TMEM108: variants seen among roughly 807,000 people sequenced by gnomAD.
The protein encoded by TMEM108 is cancer/testis antigen 124.
A neutral mutation model predicts 35.1 loss-of-function variants in TMEM108; 12 were observed. The observed-to-expected ratio is 0.34, with a 90% CI of 0.22 to 0.55. The LOEUF (loss-of-function observed/expected upper bound fraction) is 0.55. Among genes scored for constraint, TMEM108 ranks in the 20% least tolerant of loss-of-function variants. The pLI is 0.89. For missense variants in TMEM108, 680 were observed against 753.3 expected, an observed-to-expected ratio of 0.90 and a Z score of 1.14; for synonymous variants, 287 against 308.6, an observed-to-expected ratio of 0.93 and a Z score of 0.73.
At chr3:133,125,434 A>C (rs1412489243) in intron 2 of TMEM108, among the ~76,000 whole-genome samples, 1 of 151,926 alleles carries the variant, frequency 6.6e-6, no homozygotes, top group Non-Finnish European at 1.5e-5. Flanking sequence ...CAAATGTTGA[A>C]CCTCGAATGT....
At chr3:133,348,423 G>T (rs1220236363) in intron 3 of TMEM108, among the ~76,000 whole-genome samples, 2 of 152,088 alleles carry the variant, frequency 1.3e-5, no homozygotes, top group African/African-American at 4.8e-5. Flanking sequence ...TTTGTCTTTG[G>T]TTTCTCAGGA....
intron 2 of TMEM108, among the ~76,000 whole-genome samples, chr3:133,131,089 G>A (rs935301030): frequency 6.6e-6 from 1 of 152,154 alleles, no homozygotes; most frequent in Non-Finnish European, 1.5e-5. Flanking sequence ...TACCTTGTGT[G>A]CAGAGGTAAA....
At chr3:133,283,770 T>G (rs1263751279) in intron 3 of TMEM108, among the ~76,000 whole-genome samples, 1 of 152,218 alleles carries the variant, frequency 6.6e-6, no homozygotes, top group Non-Finnish European at 1.5e-5. Context: ...CTTTGAAATT[T>G]CAAAGAAAGA....
intron 3 of TMEM108, among the ~76,000 whole-genome samples, chr3:133,276,639 G>A (rs573983790): frequency 3.3e-5 from 5 of 152,336 alleles, no homozygotes; most frequent in South Asian, 2.1e-4. Flanking sequence ...ACCGAAGAGA[G>A]TAAACTAGGA....
chr3:133,126,670 T>G (rs1165907575), intron 2 of TMEM108, among the ~76,000 whole-genome samples: 1 of 152,178 alleles, frequency 6.6e-6, no homozygotes, highest in Non-Finnish European at 1.5e-5. Flanking sequence ...GCTTAATATA[T>G]TCAAGATATT....
At chr3:133,315,547 G>A (rs1275736993) in intron 3 of TMEM108, among the ~76,000 whole-genome samples, 1 of 152,210 alleles carries the variant, frequency 6.6e-6, no homozygotes, top group Non-Finnish European at 1.5e-5. Context: ...TCCATAAAGA[G>A]CCAGACAAGA....
chr3:133,370,919 T>TGTGTGTGTGTGTGTGTGTGTGTGC lies in TMEM108; in HGVS notation c.41-8830_41-8829insTGTGTGTGTGTGTGTGTGTGCGTG, dbSNP rs528508777. 2.2e-5 allele frequency among the ~76,000 whole-genome samples: 3 copies of TGTGTGTGTGTGTGTGTGTGTGTGC among 136,790 alleles called. No homozygotes were observed. In the East Asian group the frequency reaches 6.8e-4, roughly 31 times the overall value. 89.7% of individuals were successfully genotyped at this position (136,790 alleles called of 152,430 possible). Reference sequence around the variant, plus strand: ...GTGTGTGTGTGTGTGTGTGTGTGTGTGTGCCAGGAAGCTTCATGGCCCTCC... The same window carrying TGTGTGTGTGTGTGTGTGTGTGTGC: ...GTGTGTGTGTGTGTGTGTGTGTGTGTGTGTGTGTGTGTGTGTGTGTGTGCGTGCCAGGAAGCTTCATGGCCCTCC... On this transcript the variant is annotated intron_variant, in intron 3 of 5. Transcript: ENST00000321871.
chr3:133,393,239 C>T lies in TMEM108; in HGVS notation c.1606-2625C>T, dbSNP rs374360092. Among the ~76,000 whole-genome samples the T allele has an allele frequency of 7.2e-5, 11 of 152,338 alleles. No homozygotes were observed. The East Asian group carries it at 1.9e-3, about 27-fold the overall frequency. On this transcript the variant is annotated intron_variant, in intron 5 of 5. Coordinates refer to ENST00000321871, the MANE Select transcript of TMEM108 (RefSeq NM_023943.4). Reference sequence around the variant, plus strand: ...ATGCCACCTCCTCTGGGAGGCCCTCCCTCCCTTACCACTCTGTATTAATTA... The same window carrying T: ...ATGCCACCTCCTCTGGGAGGCCCTCTCTCCCTTACCACTCTGTATTAATTA...
intron 2 of TMEM108, among the ~76,000 whole-genome samples, chr3:133,179,671 G>T (rs1200687647): frequency 1.3e-5 from 2 of 151,604 alleles, no homozygotes; most frequent in Admixed American, 1.3e-4. Flanking sequence ...TGGGGGGAGT[G>T]GGGAGGGATA....
chr3:133,045,641 T>C (rs892427457), intron 1 of TMEM108, among the ~76,000 whole-genome samples: 1 of 152,202 alleles, frequency 6.6e-6, no homozygotes. Context: ...AGAGGACCCA[T>C]AGGGCAACCT....
intron 2 of TMEM108, among the ~76,000 whole-genome samples, chr3:133,119,970 TG>T (rs1944332871): frequency 6.6e-6 from 1 of 152,198 alleles, no homozygotes; most frequent in South Asian, 2.1e-4. Context: ...CACTAAGGCT[TG>T]GACTTAGAGA....
At position 133,380,421 on chromosome 3, in the gene TMEM108, C is replaced by T; in HGVS notation, c.710C>T (p.Pro237Leu). 1 of 1,613,640 alleles carries T rather than the reference C, an allele frequency of 6.2e-7. No individual in the cohort carries two copies. The highest frequency in any genetic ancestry group is 8.5e-7 in the Non-Finnish European group (1 of 1,179,712). Residue 237 changes from proline (P) to leucine (L), a missense_variant, in exon 4 of 6, where the codon CCC becomes CTC. By Grantham distance (98) the Pro-to-Leu change is moderately conservative (BLOSUM62 -3). Around this residue, in one of 3 missense-constraint regions of TMEM108, gnomAD observed 526 missense variants for 532.1 expected, o/e 0.99. Coordinates refer to ENST00000321871, the MANE Select transcript of TMEM108 (RefSeq NM_023943.4). The surrounding 1 kb of genome is among the most constrained non-coding windows in gnomAD (Gnocchi z 5.3). Reference protein sequence around the residue: ...SVEPEPSTLTPRTPLWGYSSS... With the variant: ...SVEPEPSTLTLRTPLWGYSSS... ...GAACCGGAGCCCTCTACCCTCACCC[C>T]CAGGACCCCACTCTGGGGCTACTCC...
At chr3:133,176,790 G>A (rs1328967985) in intron 2 of TMEM108, among the ~76,000 whole-genome samples, 1 of 152,186 alleles carries the variant, frequency 6.6e-6, no homozygotes, top group South Asian at 2.1e-4. Context: ...TCAAAAGCTA[G>A]CAGAAGGCAA....
intron 3 of TMEM108, among the ~76,000 whole-genome samples, chr3:133,313,399 G>A (rs563945881): frequency 1.4e-4 from 22 of 152,046 alleles, no homozygotes; most frequent in East Asian, 1.9e-4. Flanking sequence ...GGTTTTCACC[G>A]TGGTCCCAAT....
intron 3 of TMEM108, among the ~76,000 whole-genome samples, chr3:133,330,607 G>T (rs1269116507): frequency 6.6e-6 from 1 of 152,112 alleles, no homozygotes; most frequent in East Asian, 1.9e-4. Flanking sequence ...TGGTGGTGGT[G>T]GTAATAGTGT....
chr3:133,225,465 C>T (rs555917750), intron 2 of TMEM108, among the ~76,000 whole-genome samples: 3 of 152,050 alleles, frequency 2.0e-5, no homozygotes, highest in South Asian at 2.1e-4. Context: ...TGTTGTACCC[C>T]CCTCCCCCAA....
chr3:133,107,455 GGTGTGTGT>G lies in TMEM108; in HGVS notation c.-47+61470_-47+61477del, dbSNP rs59305794. ...GTTACCACCAGGATGAAGTGTATGTGGTGTGTGTGTGTGTGTGTGTGTGTGTGTGTGTG... is the reference window on the plus strand; with the variant it reads ...GTTACCACCAGGATGAAGTGTATGTGGTGTGTGTGTGTGTGTGTGTGTGTG... On this transcript the variant is annotated intron_variant, in intron 2 of 5. Transcript: ENST00000321871. Among the ~76,000 whole-genome samples, 870 of 143,558 alleles carry G rather than the reference GGTGTGTGT, an allele frequency of 6.1e-3. 5 individuals carry two copies. Among genetic ancestry groups the G allele is most frequent in the Non-Finnish European group, 8.3e-3 (549 of 66,130 alleles). The allele number at this position is 143,558 out of a possible 152,430, so 94.2% of individuals were successfully genotyped here.
intron 2 of TMEM108, among the ~76,000 whole-genome samples, chr3:133,127,145 C>G (rs1944427702): frequency 6.6e-6 from 1 of 152,128 alleles, no homozygotes; most frequent in Admixed American, 6.6e-5. Flanking sequence ...TAGATTAAAA[C>G]TTACAGTAGA....
intron 2 of TMEM108, among the ~76,000 whole-genome samples, chr3:133,210,636 A>G (rs941259714): frequency 6.6e-6 from 1 of 152,236 alleles, no homozygotes; most frequent in Non-Finnish European, 1.5e-5. Context: ...ATATAAAGCT[A>G]TTGTATTATT....
Sources: allele counts gnomAD v4.1 joint callset (sites outside exome capture counted in the v4.1 genomes callset), GRCh38; gene constraint gnomAD v4.1.1; regional missense constraint gnomAD v4.1.1; non-coding constraint Gnocchi (gnomAD v3.1); transcripts MANE v1.5; gene names NCBI Gene and HGNC (gene_info 2026-07-23, HGNC 2026-07-21).